Variants in CDCP1 observed in about 807,000 individuals in gnomAD.
CDCP1 encodes CUB domain-containing protein 1.
In CDCP1, 29 loss-of-function variants were observed where a neutral mutation model predicts 60.2. The observed-to-expected ratio is 0.48, with a 90% CI of 0.36 to 0.66. The LOEUF is 0.66. CDCP1 is among the 30% of genes least tolerant of loss of function. CDCP1 has a pLI of 0.00. For synonymous variants in CDCP1, 387 were observed against 431.1 expected (o/e 0.90, Z 1.27); for missense variants, 876 against 1,074.3 (o/e 0.82, Z 2.58).
intron 1 of CDCP1, among the ~76,000 whole-genome samples, 155 bp from the exon 2 acceptor site, chr3:45,118,776 TC>T (rs1208425621): frequency 6.6e-6 from 1 of 152,230 alleles, no homozygotes; most frequent in African/African-American, 2.4e-5. Flanking sequence ...AAATGACAGT[TC>T]CGACCTTAGC....
intron 3 of CDCP1, among the ~76,000 whole-genome samples, chr3:45,111,042 A>G (rs1262906649): frequency 6.6e-6 from 1 of 152,090 alleles, no homozygotes; most frequent in Non-Finnish European, 1.5e-5. Flanking sequence ...AAATATTAAA[A>G]ACCGGTCCAG....
At chr3:45,134,230 T>G (rs1699154704) in intron 1 of CDCP1, among the ~76,000 whole-genome samples, 1 of 152,080 alleles carries the variant, frequency 6.6e-6, no homozygotes, top group South Asian at 2.1e-4. Flanking sequence ...GTTCACATCA[T>G]TCTCCTGCCT....
intron 8 of CDCP1, among the ~76,000 whole-genome samples, chr3:45,088,579 G>T (rs907238690): frequency 6.6e-6 from 1 of 152,230 alleles, no homozygotes; most frequent in African/African-American, 2.4e-5. Context: ...CACAGGCCTG[G>T]CCTCTGTTAC....
At chr3:45,141,655 C>A (rs1699292197) in intron 1 of CDCP1, among the ~76,000 whole-genome samples, 1 of 152,226 alleles carries the variant, frequency 6.6e-6, no homozygotes, top group Non-Finnish European at 1.5e-5. Context: ...GACTGATGGA[C>A]CAGATACAAA....
intron 4 of CDCP1, among the ~76,000 whole-genome samples, chr3:45,108,417 T>C (rs1698608969): frequency 6.6e-6 from 1 of 152,192 alleles, no homozygotes; most frequent in South Asian, 2.1e-4. Flanking sequence ...ACTAAATCCA[T>C]GTCCTTCTTG....
At chr3:45,146,132 G>A in intron 1 of CDCP1, 74 bp downstream of exon 1, 1 of 1,320,424 alleles carries the variant, frequency 7.6e-7, no homozygotes, top group Non-Finnish European at 1.0e-6. Flanking sequence ...TCCCTCGGCC[G>A]CATCTCCGCC....
intron 1 of CDCP1, 70 bp downstream of exon 1, chr3:45,146,136 C>T (rs1699383764): frequency 7.1e-7 from 1 of 1,412,914 alleles, no homozygotes; most frequent in Non-Finnish European, 9.6e-7. Flanking sequence ...TCGGCCGCAT[C>T]TCCGCCGGGC....
At chr3:45,126,208 T>TTCCC (rs1698996637) in intron 1 of CDCP1, among the ~76,000 whole-genome samples, 1 of 145,358 alleles carries the variant, frequency 6.9e-6, no homozygotes, top group African/African-American at 2.5e-5. Flanking sequence ...CTTTCTTTCC[T>TTCCC]TCCTTCCTTC....
chr3:45,105,243 T>G (rs543168011), intron 4 of CDCP1, among the ~76,000 whole-genome samples: 1 of 152,328 alleles, frequency 6.6e-6, no homozygotes, highest in East Asian at 1.9e-4. Flanking sequence ...TAGACAATTT[T>G]TTTTGGAAAT....
In CDCP1 at chr3:45,091,542, C is replaced by A. The variant is rs1443166243; in HGVS notation, c.1628-4G>T. ...GTCACCGTGAAAACGCCTTCCTCTG[C>A]AGGAAAGGGAGGGAGATCCAGACAG... is the stretch of plus-strand genomic sequence containing the variant. On this transcript the variant is annotated splice_region_variant and splice_polypyrimidine_tract_variant and intron_variant, in intron 6 of 8. Transcript: ENST00000296129. The surrounding 1 kb of genome is among the most constrained non-coding windows in gnomAD (Gnocchi z 4.8). The A allele has an allele frequency of 6.3e-7, 1 of 1,593,828 alleles. No individual in the cohort carries two copies. The highest frequency in any genetic ancestry group is 2.2e-5 in the East Asian group (1 of 44,606).
At chr3:45,096,247 A>C (rs543928075) in intron 4 of CDCP1, among the ~76,000 whole-genome samples, 1 of 152,274 alleles carries the variant, frequency 6.6e-6, no homozygotes, top group African/African-American at 2.4e-5. Context: ...CAGCACTGTG[A>C]TTGTGGGAAA....
At chr3:45,087,519 A>G (rs1698215629) in intron 8 of CDCP1, among the ~76,000 whole-genome samples, 1 of 152,190 alleles carries the variant, frequency 6.6e-6, no homozygotes, top group Admixed American at 6.5e-5. Flanking sequence ...TGCACCGCAG[A>G]TGGGAAAATT....
In CDCP1 at chr3:45,138,388, G is replaced by C. The variant is rs187858708; in HGVS notation, c.82+7818C>G. Among the ~76,000 whole-genome samples, 50 of 152,260 alleles carry C rather than the reference G, an allele frequency of 3.3e-4. No homozygotes were observed. The South Asian group carries it at 9.7e-3, about 30-fold the overall frequency. ...AAAATAATCTTACTGTCTCCCACTA[G>C]AGACCTGGTTATACAGACTATGATA... On this transcript the variant is annotated intron_variant, in intron 1 of 8. Coordinates refer to ENST00000296129, the MANE Select transcript of CDCP1 (RefSeq NM_022842.5).
chr3:45,107,405 A>C (rs1011140455), intron 4 of CDCP1, among the ~76,000 whole-genome samples: 4 of 151,756 alleles, frequency 2.6e-5, no homozygotes, highest in Non-Finnish European at 4.4e-5. Flanking sequence ...ATGGGGTTTC[A>C]CCATATTGGC....
At position 45,098,631 on chromosome 3, in the gene CDCP1, C is replaced by G. The variant is rs189309916; in HGVS notation, c.1025-3063G>C. 4.0e-4 allele frequency among the ~76,000 whole-genome samples: 60 copies of G among 151,408 alleles called. 2 individuals are homozygous for G. In the East Asian group the frequency reaches 0.01, roughly 26 times the overall value. ...ACCCCCACAACACAGCACAGACTAG[C>G]GAACACTCACACCACACACACTTCC... On this transcript the variant is annotated intron_variant, in intron 4 of 8. Transcript: ENST00000296129.
At position 45,086,042 on chromosome 3, in the gene CDCP1, C is replaced by T. The variant is rs774491482; in HGVS notation, c.2107G>A (p.Ala703Thr). ...ATGTTGTCATTGTAGATACCCACAG[C>T]GGGGCCCTTGTTTGTCTTCTTTTTC... The part of the protein sequence containing the change: ...KKKKKTNKGP[A>T]VGIYNDNINT... Residue 703 changes from alanine to threonine, a missense_variant, in exon 9 of 9, where the codon GCT becomes ACT. Physicochemically the swap from Ala to Thr is moderately conservative, Grantham distance 58. Coordinates refer to ENST00000296129, the MANE Select transcript of CDCP1 (RefSeq NM_022842.5). 1.1e-4 allele frequency: 184 copies of T among 1,613,798 alleles called. 1 individual carries two copies. The East Asian group carries it at 3.4e-3, about 30-fold the overall frequency.
chr3:45,099,223 G>A (rs1053961205), intron 4 of CDCP1, among the ~76,000 whole-genome samples: 1 of 150,500 alleles, frequency 6.6e-6, no homozygotes, highest in African/African-American at 2.5e-5. Flanking sequence ...TTTAGATCTT[G>A]TAGGTCTAAA....
At chr3:45,096,913 T>G (rs926245800) in intron 4 of CDCP1, among the ~76,000 whole-genome samples, 10 of 152,190 alleles carry the variant, frequency 6.6e-5, no homozygotes, top group African/African-American at 2.4e-4. Context: ...CCTATAATAT[T>G]TAAATTTCTA....
chr3:45,105,844 A>G (rs1483570344), intron 4 of CDCP1, among the ~76,000 whole-genome samples: 1 of 152,214 alleles, frequency 6.6e-6, no homozygotes, highest in African/African-American at 2.4e-5. Flanking sequence ...TAATCTTGTG[A>G]TATCAAAAAA....
Sources: gnomAD v4.1 joint callset for allele counts (sites outside exome capture counted in the v4.1 genomes callset) on GRCh38, gnomAD v4.1.1 for gene constraint, Gnocchi (gnomAD v3.1) non-coding constraint, MANE v1.5 for transcripts, NCBI Gene and HGNC (gene_info 2026-07-23, HGNC 2026-07-21) for gene names.